The following ZC3H18 variants were observed in gnomAD, a reference collection of about 807,000 sequenced individuals.
ZC3H18 encodes the protein zinc finger CCCH-type containing 18.
In ZC3H18, 8 loss-of-function variants were observed where a neutral mutation model predicts 106.1. The observed-to-expected ratio is 0.08, with a 90% CI of 0.04 to 0.14. The LOEUF is 0.14. Among genes scored for constraint, ZC3H18 ranks in the 10% least tolerant of loss-of-function variants. ZC3H18 has a pLI of 1.00. For missense variants in ZC3H18, 1,318 were observed against 1,278.4 expected, an observed-to-expected ratio of 1.03 and a Z score of -0.47; for synonymous variants, 635 against 522.1, an observed-to-expected ratio of 1.22 and a Z score of -2.95.
chr16:88,588,776 G>T (rs1915580277), intron 3 of ZC3H18, among the ~76,000 whole-genome samples: 2 of 152,098 alleles, frequency 1.3e-5, no homozygotes, highest in African/African-American at 4.8e-5. Context: ...GCTACGTGGG[G>T]GGTGGGGGCT....
At chr16:88,609,604 G>A (rs896235378) in intron 7 of ZC3H18, among the ~76,000 whole-genome samples, 1 of 149,020 alleles carries the variant, frequency 6.7e-6, no homozygotes, top group Non-Finnish European at 1.5e-5. Context: ...GCCCGGCCTG[G>A]GTTGTTTGTT....
intron 3 of ZC3H18, among the ~76,000 whole-genome samples, chr16:88,597,479 A>G (rs1226463484): frequency 4.6e-5 from 7 of 152,236 alleles, no homozygotes; most frequent in Non-Finnish European, 8.8e-5. Context: ...CACATTATCT[A>G]TTCCCAAAAA....
Position 88,631,173 on chromosome 16 carries a change from C to T in ZC3H18, c.2736C>T (p.Pro912=), listed in dbSNP as rs890585622. 1.8e-5 allele frequency: 29 copies of T among 1,613,462 alleles called. No individual in the cohort carries two copies. The highest frequency in any genetic ancestry group is 2.3e-5 in the Non-Finnish European group (27 of 1,180,044). ...VTSVPGKASD[P]GAASTKSGKA... The stretch of plus-strand genomic sequence containing the variant: ...GCGTGCCCGGCAAAGCCTCGGATCC[C>T]GGCGCCGCCAGCACCAAATCAGGGA... Residue 912 remains proline (P), a synonymous_variant, in exon 18 of 18, where the codon CCC becomes CCT. Transcript: ENST00000301011.
chr16:88,611,472 G>A lies in ZC3H18; in HGVS notation c.1411G>A (p.Asp471Asn), dbSNP rs377611018. The A allele has an allele frequency of 3.4e-5, 53 of 1,549,184 alleles. No individual in the cohort carries two copies. The highest frequency in any genetic ancestry group is 4.4e-5 in the Non-Finnish European group (50 of 1,145,030). The part of the protein sequence containing the change: ...DEKDRQHRDR[D>N]REKEREKEKG... Reference sequence around the variant, plus strand: ...GAAGGACCGGCAGCACCGTGACCGCGACCGGGAGAAGGAGCGGGAGAAGGA... The same window carrying A: ...GAAGGACCGGCAGCACCGTGACCGCAACCGGGAGAAGGAGCGGGAGAAGGA... Residue 471 changes from aspartate to asparagine, a missense_variant, in exon 8 of 18, where the codon GAC becomes AAC. By Grantham distance (23) the Asp-to-Asn change is conservative (BLOSUM62 1). Around this residue, in one of 6 missense-constraint regions of ZC3H18, gnomAD observed 848 missense variants for 821.7 expected, o/e 1.03. Coordinates refer to ENST00000301011, the MANE Select transcript of ZC3H18 (RefSeq NM_144604.4).
intron 2 of ZC3H18, among the ~76,000 whole-genome samples, chr16:88,584,198 G>T (rs1445331007): frequency 2.0e-5 from 3 of 152,150 alleles, no homozygotes; most frequent in African/African-American, 7.2e-5. Context: ...AAGGCGGGCA[G>T]ATCACCTGAG....
At chr16:88,629,345 G>A (rs984525659) in intron 16 of ZC3H18, among the ~76,000 whole-genome samples, 1 of 152,120 alleles carries the variant, frequency 6.6e-6, no homozygotes, top group Non-Finnish European at 1.5e-5. Flanking sequence ...GCGTAGTGGC[G>A]TGCGTCTGTA....
chr16:88,631,155 C>A lies in ZC3H18; in HGVS notation c.2718C>A (p.Pro906=), dbSNP rs115059595. ...GCTCCAGCAAGGTCACGAGCGTGCCCGGCAAAGCCTCGGATCCCGGCGCCG... is the reference window on the plus strand; with the variant it reads ...GCTCCAGCAAGGTCACGAGCGTGCCAGGCAAAGCCTCGGATCCCGGCGCCG... The part of the protein sequence containing the change: ...SKSSSKVTSV[P]GKASDPGAAS... The change falls in exon 18 of 18, where the codon CCC becomes CCA. Residue 906 remains proline (P), a synonymous_variant. Transcript: ENST00000301011. 1.4e-4 allele frequency: 229 copies of A among 1,613,412 alleles called. 1 individual carries two copies. The African/African-American group carries it at 2.6e-3, about 18-fold the overall frequency.
At chr16:88,600,988 G>A (rs1054306930) in intron 6 of ZC3H18, among the ~76,000 whole-genome samples, 7 of 152,202 alleles carry the variant, frequency 4.6e-5, no homozygotes, top group African/African-American at 1.7e-4. Flanking sequence ...ACAATAAACG[G>A]TGCTCAAAAA....
In ZC3H18 at chr16:88,624,691, G is replaced by T; in HGVS notation, c.1988G>T (p.Gly663Val). The change falls in exon 12 of 18, where the codon GGA (glycine) becomes GTA (valine). Residue 663 changes from glycine (G) to valine (V), a missense_variant. Around this residue, in one of 6 missense-constraint regions of ZC3H18, gnomAD observed 848 missense variants for 821.7 expected, o/e 1.03. Coordinates refer to ENST00000301011, the MANE Select transcript of ZC3H18 (RefSeq NM_144604.4). ...CCTGTCCCCGAGCCCACCAAGCCAGGAGACCCTCGGGAAGCCAGGAGGAAG... is the reference window on the plus strand; with the variant it reads ...CCTGTCCCCGAGCCCACCAAGCCAGTAGACCCTCGGGAAGCCAGGAGGAAG... Reference protein sequence around the residue: ...TAPVPEPTKPGDPREARRKER... With the variant: ...TAPVPEPTKPVDPREARRKER... 6.2e-7 allele frequency: 1 copy of T among 1,612,950 alleles called. No homozygotes were observed. Among genetic ancestry groups the T allele is most frequent in the East Asian group, 2.2e-5 (1 of 44,822 alleles).
Position 88,628,063 on chromosome 16 carries a change from C to T in ZC3H18, c.2413C>T (p.Pro805Ser), listed in dbSNP as rs750467199. Residue 805 changes from proline (P) to serine (S), a missense_variant, in exon 15 of 18, where the codon CCC (proline) becomes TCC (serine). Physicochemically the swap from Pro to Ser is moderately conservative, Grantham distance 74. Transcript: ENST00000301011. ...STPQQAPPGQPQQGTFVAHKE... is the reference protein window; with the variant it reads ...STPQQAPPGQSQQGTFVAHKE... ...ACCCCAGCAGGCACCCCCCGGGCAG[C>T]CCCAGCAGGGCACATTTGTGGCCCA... 1 of 1,614,084 alleles carries T rather than the reference C, an allele frequency of 6.2e-7. No homozygotes were observed. Among genetic ancestry groups the T allele is most frequent in the African/African-American group, 1.3e-5 (1 of 75,058 alleles).
At chr16:88,625,593 C>A (rs1364090544) in intron 13 of ZC3H18, 5 of 357,722 alleles carry the variant, frequency 1.4e-5, no homozygotes, top group Non-Finnish European at 2.6e-5. Context: ...GAGCCGGCAG[C>A]TTCCAGCCCA....
At chr16:88,587,264 G>T (rs1445453884) in intron 3 of ZC3H18, among the ~76,000 whole-genome samples, 4 of 152,298 alleles carry the variant, frequency 2.6e-5, no homozygotes, top group African/African-American at 7.2e-5. Context: ...TTTAAAATGT[G>T]GCAGAACTCT....
chr16:88,577,615 G>A lies in ZC3H18; in HGVS notation c.492G>A (p.Arg164=). 1 of 1,613,938 alleles carries A rather than the reference G, an allele frequency of 6.2e-7. No homozygotes were observed. Among genetic ancestry groups the A allele is most frequent in the Non-Finnish European group, 8.5e-7 (1 of 1,180,010 alleles). Residue 164 remains arginine (R), a synonymous_variant, in exon 2 of 18, where the codon AGG becomes AGA. Transcript: ENST00000301011. ...AGGAGAAAGGCGAAGGCACTCCCAG[G>A]GAGGAGGGGAAGGCTGGTGTTCAGA... The part of the protein sequence containing the change: ...DDEEKGEGTP[R]EEGKAGVQSV...
intron 3 of ZC3H18, among the ~76,000 whole-genome samples, chr16:88,590,970 A>AGTTT (rs1567582746): frequency 7.8e-6 from 1 of 128,806 alleles, no homozygotes; most frequent in Non-Finnish European, 1.6e-5. Flanking sequence ...GTGGTGGAAT[A>AGTTT]CTTTTTTTTT....
At position 88,587,604 on chromosome 16, in the gene ZC3H18, C is replaced by A. The variant is rs752503457; in HGVS notation, c.688+920C>A. 8 of 1,535,678 alleles carry A rather than the reference C, an allele frequency of 5.2e-6. No homozygotes were observed. The East Asian group carries it at 7.3e-5, about 14-fold the overall frequency. Reference sequence around the variant, plus strand: ...ATCCAATTCCATACCATTCAGAGGCCAGGTTAAAGGTACAAAATACGCTAT... The same window carrying A: ...ATCCAATTCCATACCATTCAGAGGCAAGGTTAAAGGTACAAAATACGCTAT... On this transcript the variant is annotated intron_variant, in intron 3 of 17. Coordinates refer to ENST00000301011, the MANE Select transcript of ZC3H18 (RefSeq NM_144604.4).
intron 8 of ZC3H18, among the ~76,000 whole-genome samples, chr16:88,618,875 C>T (rs79171663): frequency 1.9e-4 from 29 of 152,148 alleles, no homozygotes; most frequent in Non-Finnish European, 3.7e-4. Context: ...CCATCCCTTG[C>T]GAGCGTTCTC....
intron 10 of ZC3H18, 100 bp from the exon 11 acceptor site, chr16:88,623,858 T>C: frequency 2.0e-6 from 3 of 1,480,788 alleles, no homozygotes; most frequent in Non-Finnish European, 2.7e-6. Flanking sequence ...TAAATGGAAA[T>C]TCGTGGCCTT....
intron 10 of ZC3H18, chr16:88,623,556 T>G (rs987936977): frequency 7.7e-6 from 5 of 646,316 alleles, no homozygotes; most frequent in Admixed American, 3.1e-5. Flanking sequence ...GTGCTGTCAC[T>G]GAGGGCCACA....
chr16:88,588,913 A>G (rs1182033008), intron 3 of ZC3H18, among the ~76,000 whole-genome samples: 1 of 152,036 alleles, frequency 6.6e-6, no homozygotes, highest in Non-Finnish European at 1.5e-5. Context: ...GAAGCTAGAT[A>G]AGGCAGCATT....
Sources: allele counts gnomAD v4.1 joint callset (sites outside exome capture counted in the v4.1 genomes callset), GRCh38; gene constraint gnomAD v4.1.1; regional missense constraint gnomAD v4.1.1; transcripts MANE v1.5; gene names NCBI Gene and HGNC (gene_info 2026-07-23, HGNC 2026-07-21).